The following SNAP23 variants were observed in gnomAD, a reference collection of about 807,000 sequenced individuals.
SNAP23 encodes the protein synaptosomal-associated protein 23.
Under a neutral mutation model 29.0 loss-of-function variants are expected in SNAP23, and 11 were observed. That is an observed-to-expected ratio of 0.38 (90% CI 0.24 to 0.63). The LOEUF (loss-of-function observed/expected upper bound fraction) is 0.63. Among genes scored for constraint, SNAP23 ranks in the 20% least tolerant of loss-of-function variants. The pLI is 0.58. For missense variants in SNAP23, 220 were observed against 253.9 expected (o/e 0.87, Z 0.91); for synonymous variants, 60 against 82.9 (o/e 0.72, Z 1.50).
upstream of SNAP23, among the ~76,000 whole-genome samples, chr15:42,493,324 G>A (rs2057189538): frequency 6.6e-6 from 1 of 151,904 alleles, no homozygotes; most frequent in African/African-American, 2.4e-5. Context: ...GAGCAACAGA[G>A]CAAGACCTTC....
At chr15:42,518,478 C>T (rs1423457151) in intron 5 of SNAP23, among the ~76,000 whole-genome samples, 1 of 150,396 alleles carries the variant, frequency 6.6e-6, no homozygotes, top group Non-Finnish European at 1.5e-5. Context: ...CTCTGTTACC[C>T]AGGCTGGAGT....
intron 4 of SNAP23, among the ~76,000 whole-genome samples, chr15:42,514,700 CTTTTTTTTT>C (rs869134157): frequency 1.7e-5 from 2 of 115,148 alleles, no homozygotes; most frequent in African/African-American, 3.2e-5. Context: ...ATACAAGATT[CTTTTTTTTT>C]TTTTTTTTTT....
chr15:42,492,698 A>AAAAGAG (rs1378367273), upstream of SNAP23: 1 of 150,866 alleles, frequency 6.6e-6, no homozygotes, highest in African/African-American at 2.4e-5. Context: ...AAAAAAAAAA[A>AAAAGAG]AGAGAGAGAA....
At chr15:42,508,326 C>T (rs2057331156) in intron 1 of SNAP23, among the ~76,000 whole-genome samples, 1 of 151,898 alleles carries the variant, frequency 6.6e-6, no homozygotes, top group African/African-American at 2.4e-5. Context: ...GCAAAACTCC[C>T]GTCTACAGAG....
At chr15:42,513,204 C>G in intron 3 of SNAP23, 195 bp from the exon 4 acceptor site, 2 of 746,766 alleles carry the variant, frequency 2.7e-6, no homozygotes, top group South Asian at 1.5e-5. Context: ...GATGAATTCA[C>G]TATGAGTTTG....
intron 1 of SNAP23, among the ~76,000 whole-genome samples, chr15:42,497,462 G>A (rs1260702410): frequency 1.3e-5 from 2 of 151,768 alleles, no homozygotes; most frequent in Non-Finnish European, 2.9e-5. Flanking sequence ...ACCGGCCTCC[G>A]CCTCCCAAAG....
chr15:42,493,602 A>G (rs1270531548), upstream of SNAP23, among the ~76,000 whole-genome samples: 1 of 152,108 alleles, frequency 6.6e-6, no homozygotes, highest in Non-Finnish European at 1.5e-5. Flanking sequence ...TCTGCCCTCA[A>G]CAAGTGACTG....
At chr15:42,525,598 G>A (rs955972877) in intron 5 of SNAP23, among the ~76,000 whole-genome samples, 2 of 150,088 alleles carry the variant, frequency 1.3e-5, no homozygotes, top group African/African-American at 4.9e-5. Context: ...TGAGTTGCGG[G>A]GACTGCATTC....
chr15:42,519,415 A>G (rs1182268024), intron 5 of SNAP23, among the ~76,000 whole-genome samples: 2 of 149,096 alleles, frequency 1.3e-5, no homozygotes, highest in African/African-American at 5.0e-5. Flanking sequence ...GTTGTCACCC[A>G]GACTGGAGTG....
chr15:42,513,507 A>T, intron 4 of SNAP23, 60 bp downstream of exon 4: 1 of 1,352,274 alleles, frequency 7.4e-7, no homozygotes, highest in Non-Finnish European at 1.1e-6. Flanking sequence ...AGCCCTATCA[A>T]ATTAGCCACA....
chr15:42,518,022 T>G (rs749705500), intron 5 of SNAP23, among the ~76,000 whole-genome samples: 18 of 151,746 alleles, frequency 1.2e-4, no homozygotes, highest in Non-Finnish European at 1.6e-4. Flanking sequence ...TGGCACTTCT[T>G]TCTTTTTTTT....
upstream of SNAP23, among the ~76,000 whole-genome samples, chr15:42,491,901 T>TTTAGTTAGTTAGTTAG (rs11281244): frequency 5.2e-3 from 759 of 146,974 alleles, 4 homozygotes; most frequent in African/African-American, 0.012. Context: ...TATTTATTTA[T>TTTAGTTAGTTAGTTAG]TTAGTTAGTT....
At chr15:42,527,089 T>G (rs929269024) in intron 5 of SNAP23, among the ~76,000 whole-genome samples, 1 of 152,108 alleles carries the variant, frequency 6.6e-6, no homozygotes. Flanking sequence ...CCACCCACCT[T>G]GGCCTCCCAA....
At chr15:42,493,352 C>T (rs12912692), upstream of SNAP23, among the ~76,000 whole-genome samples, 1 of 148,344 alleles carries the variant, frequency 6.7e-6, no homozygotes, top group Non-Finnish European at 1.5e-5. Flanking sequence ...CTCTCTCTCT[C>T]TCTATATATA....
intron 1 of SNAP23, among the ~76,000 whole-genome samples, chr15:42,496,089 C>T (rs573789127): frequency 2.6e-5 from 4 of 152,220 alleles, no homozygotes; most frequent in African/African-American, 9.6e-5. Flanking sequence ...TCTGAGGTTC[C>T]TGGTATTGGA....
intron 5 of SNAP23, among the ~76,000 whole-genome samples, chr15:42,524,947 C>T (rs964733319): frequency 2.0e-5 from 3 of 152,124 alleles, no homozygotes; most frequent in East Asian, 1.9e-4. Flanking sequence ...CTGAATGAGA[C>T]GCACTGAACT....
intron 5 of SNAP23, among the ~76,000 whole-genome samples, chr15:42,520,409 TAAC>T (rs2141540567): frequency 6.6e-6 from 1 of 152,238 alleles, no homozygotes; most frequent in South Asian, 2.1e-4. Context: ...TAATTCTAAT[TAAC>T]AAGAATTTGA....
At chr15:42,513,268 T>C (rs2057371658) in intron 3 of SNAP23, 131 bp from the exon 4 acceptor site, 1 of 851,566 alleles carries the variant, frequency 1.2e-6, no homozygotes, top group Non-Finnish European at 2.0e-6. Flanking sequence ...TTAAGAATAC[T>C]AGTTCTGTCT....
intron 1 of SNAP23, 26 bp from the exon 2 acceptor site, chr15:42,511,807 C>T: frequency 7.2e-7 from 1 of 1,392,254 alleles, no homozygotes; most frequent in Non-Finnish European, 1.0e-6. Context: ...ATACAATATC[C>T]ACATTTCCAT....
Sources: gnomAD v4.1 joint callset for allele counts (sites outside exome capture counted in the v4.1 genomes callset) on GRCh38, gnomAD v4.1.1 for gene constraint, MANE v1.5 for transcripts, NCBI Gene and HGNC (gene_info 2026-07-23, HGNC 2026-07-21) for gene names.